Variants in EYA4 observed in about 807,000 individuals in gnomAD.
EYA4 encodes EYA transcriptional coactivator and phosphatase 4, also known as protein phosphatase EYA4.
Under a neutral mutation model 87.9 loss-of-function variants are expected in EYA4, and 31 were observed. That is an observed-to-expected ratio of 0.35 (90% CI 0.27 to 0.48). EYA4 has a LOEUF of 0.48. EYA4 is among the 20% of genes least tolerant of loss of function. The probability of loss-of-function intolerance (pLI) is 0.99; values close to 1 mark genes in which losing one functional copy is unlikely to be tolerated. For synonymous variants in EYA4, 263 were observed against 270.6 expected, an observed-to-expected ratio of 0.97 and a Z score of 0.28; for missense variants, 678 against 761.4, an observed-to-expected ratio of 0.89 and a Z score of 1.29.
intron 13 of EYA4, among the ~76,000 whole-genome samples, chr6:133,498,474 C>G (rs1797824035): frequency 6.6e-6 from 1 of 152,088 alleles, no homozygotes. Context: ...TATTTAGTTT[C>G]AAGGAAATCT....
At chr6:133,513,798 A>G in intron 16 of EYA4, among the ~76,000 whole-genome samples, 1 of 152,104 alleles carries the variant, frequency 6.6e-6, no homozygotes, top group Non-Finnish European at 1.5e-5. Flanking sequence ...ATCTCCCAGG[A>G]TTTTGTTTCT....
At chr6:133,266,095 T>C (rs1481793069) in intron 1 of EYA4, among the ~76,000 whole-genome samples, 1 of 152,252 alleles carries the variant, frequency 6.6e-6, no homozygotes, top group Non-Finnish European at 1.5e-5. Flanking sequence ...AAGATACTTT[T>C]AAATCCTAAT....
At chr6:133,387,511 T>C (rs1393177077) in intron 3 of EYA4, among the ~76,000 whole-genome samples, 1 of 152,144 alleles carries the variant, frequency 6.6e-6, no homozygotes, top group East Asian at 1.9e-4. Flanking sequence ...AATAACATGA[T>C]CTGGTTGTAC....
chr6:133,245,041 G>C (rs1774294494), intron 1 of EYA4: 1 of 152,114 alleles, frequency 6.6e-6, no homozygotes, highest in Non-Finnish European at 1.5e-5. Flanking sequence ...TAAGTGTTAA[G>C]TAATTTAAGA....
At chr6:133,276,316 G>A (rs1777159501) in intron 2 of EYA4, among the ~76,000 whole-genome samples, 1 of 152,192 alleles carries the variant, frequency 6.6e-6, no homozygotes, top group African/African-American at 2.4e-5. Flanking sequence ...TAGGGACATA[G>A]AACTTTCAGT....
At position 133,529,522 on chromosome 6, in the gene EYA4, G is replaced by GGA. The variant is rs1554277167; in HGVS notation, c.*717_*718insGA. 1 of 844,828 alleles carries GGA rather than the reference G, an allele frequency of 1.2e-6. No homozygotes were observed. Among genetic ancestry groups the GGA allele is most frequent in the African/African-American group, 2.3e-5 (1 of 43,722 alleles). 52.3% of individuals were successfully genotyped at this position (844,828 alleles called of 1,614,324 possible). A position where few individuals can be genotyped will look rare whatever the true frequency, so the allele number is the denominator to read the frequency against. On this transcript the variant is annotated 3_prime_UTR_variant, in exon 20 of 20. Transcript: ENST00000355286. Reference sequence around the variant, plus strand: ...TTTGGTTAAAATCTCTGTAGATAATGAAAAAAAACAAAAAAAAAAACCTTT... The same window carrying GGA: ...TTTGGTTAAAATCTCTGTAGATAATGGAAAAAAAAACAAAAAAAAAAACCTTT...
intron 17 of EYA4, among the ~76,000 whole-genome samples, chr6:133,515,746 A>G (rs1283440118): frequency 6.6e-6 from 1 of 152,122 alleles, no homozygotes; most frequent in Non-Finnish European, 1.5e-5. Flanking sequence ...TAATCCCCAC[A>G]GAATGGTTAC....
Position 133,422,239 on chromosome 6 carries a change from AAAACACTATCCTG to A in EYA4, c.84-24388_84-24376del, listed in dbSNP as rs1790281962. Among the ~76,000 whole-genome samples the A allele has an allele frequency of 2.0e-5, 3 of 152,328 alleles. No homozygotes were observed. The South Asian group carries it at 6.2e-4, about 32-fold the overall frequency. On this transcript the variant is annotated intron_variant, in intron 3 of 19. Transcript: ENST00000355286. ...ATATCGACCCCATTGCTCCTTGAGA[AAAACACTATCCTG>A]AATTTAGAAGTTATCATTCCCATAA...
At chr6:133,519,501 C>T (rs904365108) in intron 17 of EYA4, among the ~76,000 whole-genome samples, 1 of 151,490 alleles carries the variant, frequency 6.6e-6, no homozygotes, top group African/African-American at 2.4e-5. Flanking sequence ...TGGCAATAAT[C>T]CATAGCTTAC....
chr6:133,489,847 C>T (rs183790050), intron 13 of EYA4, among the ~76,000 whole-genome samples: 1 of 152,176 alleles, frequency 6.6e-6, no homozygotes, highest in African/African-American at 2.4e-5. Flanking sequence ...ACAATAAGTA[C>T]ACAGGAAAAC....
chr6:133,354,924 A>G (rs1035726863), intron 2 of EYA4, among the ~76,000 whole-genome samples: 19 of 152,190 alleles, frequency 1.2e-4, no homozygotes, highest in African/African-American at 4.3e-4. Flanking sequence ...AATCTTAAAA[A>G]CAGAGTCTTT....
chr6:133,491,248 C>CA (rs1562482422), intron 13 of EYA4, among the ~76,000 whole-genome samples: 1 of 151,080 alleles, frequency 6.6e-6, no homozygotes, highest in Non-Finnish European at 1.5e-5. Flanking sequence ...TTGTCTGCAT[C>CA]AAAAAAAGAA....
chr6:133,394,284 GTTTTTTTTT>G (rs869103311), intron 3 of EYA4, among the ~76,000 whole-genome samples: 13 of 17,868 alleles, frequency 7.3e-4, no homozygotes, highest in African/African-American at 1.8e-3. Flanking sequence ...ATAAGCTTGT[GTTTTTTTTT>G]TTTTTTTTTT....
At chr6:133,279,168 A>T (rs1405781191) in intron 2 of EYA4, among the ~76,000 whole-genome samples, 2 of 152,154 alleles carry the variant, frequency 1.3e-5, no homozygotes, top group African/African-American at 4.8e-5. Flanking sequence ...AGCAGGTTTG[A>T]AAAGAAATAT....
chr6:133,251,874 C>G (rs1234469802), intron 1 of EYA4, among the ~76,000 whole-genome samples: 4 of 152,152 alleles, frequency 2.6e-5, no homozygotes, highest in Non-Finnish European at 5.9e-5. Flanking sequence ...TATTTCCAGT[C>G]AAGTGTGGAG....
chr6:133,355,415 G>T (rs944716319), intron 2 of EYA4, among the ~76,000 whole-genome samples: 1 of 152,120 alleles, frequency 6.6e-6, no homozygotes, highest in African/African-American at 2.4e-5. Context: ...CAATAGCAAA[G>T]ACATGGAATT....
At chr6:133,388,768 C>T (rs1332736739) in intron 3 of EYA4, among the ~76,000 whole-genome samples, 9 of 152,198 alleles carry the variant, frequency 5.9e-5, no homozygotes, top group Non-Finnish European at 1.3e-4. Context: ...CTCACAGTGG[C>T]ATTTCTTCAT....
At chr6:133,244,346 TC>T (rs1774230966) in intron 1 of EYA4, among the ~76,000 whole-genome samples, 1 of 152,144 alleles carries the variant, frequency 6.6e-6, no homozygotes, top group Non-Finnish European at 1.5e-5. Flanking sequence ...AAATAAAACG[TC>T]TCACATATAT....
intron 3 of EYA4, among the ~76,000 whole-genome samples, chr6:133,390,133 G>GAA (rs2128493308): frequency 6.6e-6 from 1 of 152,306 alleles, no homozygotes; most frequent in African/African-American, 2.4e-5. Context: ...GTAAAAATGT[G>GAA]AAAATATACT....
Sources: allele counts gnomAD v4.1 joint callset (sites outside exome capture counted in the v4.1 genomes callset), GRCh38; gene constraint gnomAD v4.1.1; transcripts MANE v1.5; gene names NCBI Gene and HGNC (gene_info 2026-07-23, HGNC 2026-07-21).